PTPRM: variants seen among roughly 807,000 people sequenced by gnomAD.
The protein encoded by PTPRM is protein tyrosine phosphatase receptor type M.
In PTPRM, 47 loss-of-function variants were observed where a neutral mutation model predicts 186.7. The ratio of observed to expected loss-of-function variants is 0.25; its 90% CI spans 0.20 to 0.32. The LOEUF (loss-of-function observed/expected upper bound fraction) is 0.32. PTPRM is among the 10% of genes least tolerant of loss of function. The probability of loss-of-function intolerance (pLI) is 1.00; values close to 1 mark genes in which losing one functional copy is unlikely to be tolerated. For synonymous variants in PTPRM, 668 were observed against 674.9 expected, an observed-to-expected ratio of 0.99 and a Z score of 0.16; for missense variants, 1,494 against 1,865.0, an observed-to-expected ratio of 0.80 and a Z score of 3.66.
intron 2 of PTPRM, among the ~76,000 whole-genome samples, chr18:7,807,496 C>T (rs190990686): frequency 5.9e-5 from 9 of 152,342 alleles, no homozygotes; most frequent in East Asian, 3.9e-4. Context: ...CACCACCTCC[C>T]GCCCATGTTG....
At chr18:7,736,333 T>C (rs1053985813) in intron 1 of PTPRM, among the ~76,000 whole-genome samples, 18 of 152,250 alleles carry the variant, frequency 1.2e-4, no homozygotes, top group African/African-American at 4.3e-4. Flanking sequence ...ATTTTAATTT[T>C]TTTTGAGATG....
At chr18:8,221,708 A>G (rs78433133) in intron 14 of PTPRM, among the ~76,000 whole-genome samples, 10,758 of 152,016 alleles carry the variant, frequency 0.071, 564 homozygotes, top group Middle Eastern at 0.33. Context: ...ACAGAAGCAC[A>G]CTCCTAGCTC....
chr18:8,227,039 T>C (rs2094222070), intron 14 of PTPRM, among the ~76,000 whole-genome samples: 1 of 152,232 alleles, frequency 6.6e-6, no homozygotes, highest in Non-Finnish European at 1.5e-5. Context: ...CTTCCTTTTT[T>C]AAAGTTAGCT....
chr18:7,794,545 G>C (rs983018123), intron 2 of PTPRM, among the ~76,000 whole-genome samples: 1 of 152,094 alleles, frequency 6.6e-6, no homozygotes, highest in African/African-American at 2.4e-5. Flanking sequence ...CTCATCATTA[G>C]ACTTTCCACA....
At chr18:7,798,872 T>C (rs527701293) in intron 2 of PTPRM, among the ~76,000 whole-genome samples, 4 of 152,338 alleles carry the variant, frequency 2.6e-5, no homozygotes, top group Admixed American at 6.5e-5. Context: ...CATATACCTA[T>C]ATGTATTTAT....
intron 1 of PTPRM, among the ~76,000 whole-genome samples, chr18:7,577,938 G>A (rs1319063388): frequency 6.6e-6 from 1 of 152,182 alleles, no homozygotes; most frequent in African/African-American, 2.4e-5. Flanking sequence ...TTGGAGTGCA[G>A]CATGCTTTGT....
intron 19 of PTPRM, among the ~76,000 whole-genome samples, chr18:8,277,396 A>C (rs780246293): frequency 6.6e-5 from 10 of 152,188 alleles, no homozygotes; most frequent in Admixed American, 3.3e-4. Flanking sequence ...TAGTGTTGAA[A>C]GTGAGACTTG....
At chr18:8,219,715 T>C (rs2094133068) in intron 14 of PTPRM, among the ~76,000 whole-genome samples, 1 of 152,140 alleles carries the variant, frequency 6.6e-6, no homozygotes, top group Non-Finnish European at 1.5e-5. Flanking sequence ...TAATTTGCAA[T>C]TGGTTAAAGG....
chr18:7,981,285 A>G (rs970640839), intron 7 of PTPRM, among the ~76,000 whole-genome samples: 4 of 152,096 alleles, frequency 2.6e-5, no homozygotes, highest in African/African-American at 4.8e-5. Context: ...AACATCTAAT[A>G]TCCCTGCTAC....
At chr18:7,735,911 A>G (rs1020362572) in intron 1 of PTPRM, among the ~76,000 whole-genome samples, 3 of 151,808 alleles carry the variant, frequency 2.0e-5, no homozygotes, top group Non-Finnish European at 4.4e-5. Flanking sequence ...ATTGCCAATC[A>G]GGAAATCTTT....
At chr18:7,743,716 C>T (rs9954459) in intron 1 of PTPRM, among the ~76,000 whole-genome samples, 19,758 of 152,066 alleles carry the variant, frequency 0.13, 2,849 homozygotes, top group African/African-American at 0.36. Flanking sequence ...GGAGTTTATA[C>T]GTAGTGTAAT....
At chr18:7,676,383 T>C (rs1312268103) in intron 1 of PTPRM, among the ~76,000 whole-genome samples, 6 of 152,158 alleles carry the variant, frequency 3.9e-5, no homozygotes, top group African/African-American at 1.4e-4. Flanking sequence ...TCTAGGGTGT[T>C]GGTGAGCTTT....
At chr18:8,240,221 A>G (rs72911280) in intron 14 of PTPRM, among the ~76,000 whole-genome samples, 6,907 of 152,170 alleles carry the variant, frequency 0.045, 199 homozygotes, top group Non-Finnish European at 0.07. Context: ...AGCCATCTGT[A>G]GTTATGGACA....
chr18:7,908,716 A>T (rs1360233505), intron 4 of PTPRM, among the ~76,000 whole-genome samples: 1 of 152,172 alleles, frequency 6.6e-6, no homozygotes, highest in Admixed American at 6.5e-5. Context: ...GTTCAAGAAG[A>T]TTCCCTGTCC....
intron 14 of PTPRM, among the ~76,000 whole-genome samples, chr18:8,232,867 T>C (rs1214462717): frequency 6.6e-6 from 1 of 152,194 alleles, no homozygotes; most frequent in African/African-American, 2.4e-5. Flanking sequence ...GGCCCTGAGC[T>C]GTACACAGCC....
chr18:7,727,890 C>G (rs1265113548), intron 1 of PTPRM, among the ~76,000 whole-genome samples: 5 of 152,176 alleles, frequency 3.3e-5, no homozygotes, highest in African/African-American at 1.2e-4. Context: ...CAAATGTTAT[C>G]TCATGTAATC....
intron 32 of PTPRM, among the ~76,000 whole-genome samples, chr18:8,402,379 T>G (rs2095876769): frequency 6.6e-6 from 1 of 152,192 alleles, no homozygotes; most frequent in African/African-American, 2.4e-5. Flanking sequence ...ACAGGGCAGC[T>G]TCGGTGACTT....
chr18:8,086,012 C>CA, intron 10 of PTPRM, 140 bp downstream of exon 10: 1 of 777,834 alleles, frequency 1.3e-6, no homozygotes, highest in South Asian at 1.7e-5. Flanking sequence ...AGCTCAGACT[C>CA]ACAGCTTTAA....
At chr18:7,578,483 C>A (rs950079236) in intron 1 of PTPRM, among the ~76,000 whole-genome samples, 1 of 151,872 alleles carries the variant, frequency 6.6e-6, no homozygotes, top group African/African-American at 2.4e-5. Context: ...CTATAGGCGC[C>A]CGCCACCATG....
Sources: allele counts gnomAD v4.1 joint callset (sites outside exome capture counted in the v4.1 genomes callset), GRCh38; gene constraint gnomAD v4.1.1; transcripts MANE v1.5; gene names NCBI Gene and HGNC (gene_info 2026-07-23, HGNC 2026-07-21).